Variants in C17orf114 observed in about 807,000 individuals in gnomAD.
The protein encoded by C17orf114 is uncharacterized protein C17orf114.
upstream of C17orf114, among the ~76,000 whole-genome samples, chr17:4,803,083 ATT>A (rs1567518716): frequency 1.3e-5 from 2 of 151,568 alleles, no homozygotes; most frequent in Non-Finnish European, 2.9e-5. Flanking sequence ...TGCCCAGCTA[ATT>A]TTTTTGTATT....
At chr17:4,803,061 C>T (rs34040038), upstream of C17orf114, among the ~76,000 whole-genome samples, 78,182 of 151,784 alleles carry the variant, frequency 0.52, 21,679 homozygotes, top group East Asian at 0.84. Context: ...GGACTACAGG[C>T]GTACACCACC....
rs543806195 is a variant in C17orf114 at position 4,802,287 on chromosome 17, C to T, written c.33G>A (p.Trp11Ter). The T allele has an allele frequency of 5.3e-5, 21 of 399,764 alleles. No homozygotes were observed. In the East Asian group the frequency reaches 7.1e-4, roughly 14 times the overall value. The allele number at this position is 399,764 out of a possible 1,614,324, so 24.8% of individuals were successfully genotyped here. A position where few individuals can be genotyped will look rare whatever the true frequency, so the allele number is the denominator to read the frequency against. Reference sequence around the variant, plus strand: ...TCCCCCGCTGCCTCCGGCACCCGCACCATGGGAAACACCATGCCCCCTTCA... The same window carrying T: ...TCCCCCGCTGCCTCCGGCACCCGCATCATGGGAAACACCATGCCCCCTTCA... The change falls in exon 1 of 2, where the codon TGG (tryptophan) becomes TGA (stop). Residue 11 changes from tryptophan (W) to a stop codon, truncating the protein, a stop_gained. Transcript: ENST00000635921. LOFTEE classifies it high-confidence loss of function.
exon 2 of C17orf114, chr17:4,801,323 T>C (rs1489916838): frequency 5.0e-6 from 2 of 398,690 alleles, no homozygotes; most frequent in Non-Finnish European, 8.8e-6. Context: ...TGCTATGTCA[T>C]GCAGCTGGTG....
At chr17:4,806,115 A>C (rs899078233), upstream of C17orf114, among the ~76,000 whole-genome samples, 1 of 152,264 alleles carries the variant, frequency 6.6e-6, no homozygotes, top group Non-Finnish European at 1.5e-5. Context: ...GACAAATGCA[A>C]ATCAAATTGC....
chr17:4,801,941 G>A lies in C17orf114; in HGVS notation c.73+306C>T, dbSNP rs374165124. Among the ~76,000 whole-genome samples the A allele has an allele frequency of 9.2e-5, 14 of 152,128 alleles. No individual in the cohort carries two copies. The East Asian group carries it at 2.3e-3, about 25-fold the overall frequency. ...GAGGTGGGTTTCACCGTGTTAGCCA[G>A]GATGGTCTCCATCCCCTGACCTCGT... On this transcript the variant is annotated intron_variant, in intron 1 of 1. Coordinates refer to ENST00000635921, the Ensembl canonical transcript of C17orf114.
At chr17:4,801,369 C>T (rs1905504676) in exon 2 of C17orf114, 3 of 398,754 alleles carry the variant, frequency 7.5e-6, no homozygotes, top group South Asian at 2.5e-4. Flanking sequence ...CTGAAGTAGG[C>T]ACCAGGCCCT....
chr17:4,803,224 G>T (rs1905555389), upstream of C17orf114, among the ~76,000 whole-genome samples: 2 of 150,588 alleles, frequency 1.3e-5, no homozygotes, highest in Admixed American at 1.3e-4. Context: ...CGGCCTCAAA[G>T]ATCTTTTGAG....
At chr17:4,803,333 G>A (rs1350328521), upstream of C17orf114, among the ~76,000 whole-genome samples, 1 of 150,434 alleles carries the variant, frequency 6.6e-6, no homozygotes, top group Non-Finnish European at 1.5e-5. Context: ...CACGCAGGCA[G>A]TTATTAGCCG....
upstream of C17orf114, among the ~76,000 whole-genome samples, chr17:4,805,279 A>G (rs1012269487): frequency 2.0e-5 from 3 of 150,712 alleles, no homozygotes; most frequent in Admixed American, 6.6e-5. Context: ...AATACAAAAA[A>G]TTAGCTAGGC....
chr17:4,803,668 C>T (rs1476847950), upstream of C17orf114, among the ~76,000 whole-genome samples: 16 of 151,684 alleles, frequency 1.1e-4, no homozygotes, highest in East Asian at 1.4e-3. Flanking sequence ...GCTCGTGATC[C>T]GGCCACCTCG....
upstream of C17orf114, chr17:4,802,414 C>T (rs970005188): frequency 7.5e-6 from 3 of 397,970 alleles, no homozygotes; most frequent in East Asian, 3.6e-5. Context: ...GCAAAACTAC[C>T]ACTTAGCCTC....
chr17:4,803,677 C>T (rs1317988553), upstream of C17orf114, among the ~76,000 whole-genome samples: 4 of 150,818 alleles, frequency 2.7e-5, no homozygotes, highest in Admixed American at 2.0e-4. Flanking sequence ...CCGGCCACCT[C>T]GGCCTCCCAA....
chr17:4,803,504 A>T (rs1363318071), upstream of C17orf114, among the ~76,000 whole-genome samples: 1 of 135,266 alleles, frequency 7.4e-6, no homozygotes, highest in Non-Finnish European at 1.5e-5. Context: ...GGCTCACTGC[A>T]AACTCTGCCT....
At chr17:4,803,928 G>A (rs1304960598), upstream of C17orf114, among the ~76,000 whole-genome samples, 1 of 150,786 alleles carries the variant, frequency 6.6e-6, no homozygotes, top group Non-Finnish European at 1.5e-5. Flanking sequence ...CACCACGTTG[G>A]CCAGGCTGTT....
upstream of C17orf114, among the ~76,000 whole-genome samples, chr17:4,804,831 G>A (rs146681462): frequency 8.1e-3 from 1,211 of 150,430 alleles, 12 homozygotes; most frequent in Non-Finnish European, 0.013. Context: ...TGATCTGCCC[G>A]CCTCGGCCTC....
At chr17:4,805,786 C>T (rs1299169027), upstream of C17orf114, among the ~76,000 whole-genome samples, 2 of 151,988 alleles carry the variant, frequency 1.3e-5, no homozygotes, top group South Asian at 2.1e-4. Context: ...CCCGTTTCTA[C>T]TAAAAATACA....
At chr17:4,805,882 G>C (rs1473467822), upstream of C17orf114, among the ~76,000 whole-genome samples, 1 of 152,130 alleles carries the variant, frequency 6.6e-6, no homozygotes, top group Non-Finnish European at 1.5e-5. Flanking sequence ...GAACCTGGGA[G>C]GCGGAGCTTG....
upstream of C17orf114, among the ~76,000 whole-genome samples, chr17:4,803,803 C>A (rs1445379304): frequency 6.6e-6 from 1 of 151,706 alleles, no homozygotes; most frequent in African/African-American, 2.4e-5. Flanking sequence ...CTCACTGCAA[C>A]CTCCGTCTCC....
chr17:4,801,569 G>A (rs1905508901), intron 1 of C17orf114, 114 bp from the exon 2 acceptor site: 3 of 397,458 alleles, frequency 7.5e-6, no homozygotes, highest in Non-Finnish European at 1.3e-5. Context: ...CCTGGGGGCT[G>A]GTGAGGAGTG....
Sources: gnomAD v4.1 joint callset for allele counts (sites outside exome capture counted in the v4.1 genomes callset) on GRCh38, gnomAD v4.1.1 for gene constraint, MANE v1.5 for transcripts, NCBI Gene and HGNC (gene_info 2026-07-23, HGNC 2026-07-21) for gene names.